LRRFIP1: variants seen among roughly 807,000 people sequenced by gnomAD.
LRRFIP1 encodes the protein LRR binding FLII interacting protein 1.
A neutral mutation model predicts 104.4 loss-of-function variants in LRRFIP1; 62 were observed. The ratio of observed to expected loss-of-function variants is 0.59; its 90% CI spans 0.48 to 0.73. The LOEUF is 0.73. Among genes scored for constraint, LRRFIP1 ranks in the 30% least tolerant of loss-of-function variants. The probability of loss-of-function intolerance (pLI) is 0.00; values close to 1 mark genes in which losing one functional copy is unlikely to be tolerated. For synonymous variants in LRRFIP1, 300 were observed against 299.0 expected, an observed-to-expected ratio of 1.00 and a Z score of -0.03; for missense variants, 796 against 824.5, an observed-to-expected ratio of 0.97 and a Z score of 0.42.
rs781741407 is a variant in LRRFIP1 at position 237,763,352 on chromosome 2, A to G, written c.1459+3147A>G. 3.1e-6 allele frequency: 5 copies of G among 1,614,064 alleles called. No homozygotes were observed. The Admixed American group carries it at 6.7e-5, about 22-fold the overall frequency. On this transcript the variant is annotated intron_variant, in intron 19 of 23. Coordinates refer to ENST00000308482, the MANE Select transcript of LRRFIP1 (RefSeq NM_001137550.2). ...AGACACTCAAAATGAACCCTTAGAT[A>G]TGAAAGAGCCCGATGAAGAAAAGAG...
At chr2:237,764,295 T>G (rs56151225) in intron 19 of LRRFIP1, 1 of 1,540,608 alleles carries the variant, frequency 6.5e-7, no homozygotes. Flanking sequence ...AGACTGTTAC[T>G]TGTAGATTTC....
At chr2:237,762,795 C>A (rs1559825880) in intron 19 of LRRFIP1, 3 of 1,614,204 alleles carry the variant, frequency 1.9e-6, no homozygotes, top group Non-Finnish European at 2.5e-6. Flanking sequence ...TTCCTAGGAA[C>A]CTTAGCAGGT....
chr2:237,699,669 A>G (rs1047426018), intron 1 of LRRFIP1, among the ~76,000 whole-genome samples: 5 of 152,180 alleles, frequency 3.3e-5, no homozygotes, highest in Non-Finnish European at 4.4e-5. Context: ...TGGTTTTTCT[A>G]TCTTCCTGAG....
intron 1 of LRRFIP1, among the ~76,000 whole-genome samples, chr2:237,685,774 T>C (rs2092322533): frequency 6.6e-6 from 1 of 152,270 alleles, no homozygotes. Context: ...CTCACATCTC[T>C]TCCATCCTTA....
chr2:237,678,024 C>A (rs2091366466), intron 1 of LRRFIP1, among the ~76,000 whole-genome samples: 1 of 152,148 alleles, frequency 6.6e-6, no homozygotes, highest in Non-Finnish European at 1.5e-5. Context: ...ACCATTTCCC[C>A]TTTTTCTAAA....
chr2:237,772,145 C>A lies in LRRFIP1; in HGVS notation c.1574C>A (p.Ser525Tyr). The stretch of plus-strand genomic sequence containing the variant: ...ATTGGCAAACTAGACAATCTTCGAT[C>A]TGAAGATGATGTCTTGGAAAACGGG... ...QKIGKLDNLRSEDDVLENGTD... is the reference protein window; with the variant it reads ...QKIGKLDNLRYEDDVLENGTD... The change falls in exon 21 of 24, where the codon TCT (serine) becomes TAT (tyrosine). Residue 525 changes from serine to tyrosine, a missense_variant. Physicochemically the swap from Ser to Tyr is moderately radical, Grantham distance 144. Coordinates refer to ENST00000308482, the MANE Select transcript of LRRFIP1 (RefSeq NM_001137550.2). 1 of 1,613,944 alleles carries A rather than the reference C, an allele frequency of 6.2e-7. No homozygotes were observed. Among genetic ancestry groups the A allele is most frequent in the Non-Finnish European group, 8.5e-7 (1 of 1,179,862 alleles).
intron 1 of LRRFIP1, among the ~76,000 whole-genome samples, chr2:237,652,833 G>A (rs2086157717): frequency 6.6e-6 from 1 of 152,216 alleles, no homozygotes; most frequent in Non-Finnish European, 1.5e-5. Context: ...GGGCTACAGA[G>A]TGAGACCCTG....
chr2:237,748,521 G>T, intron 12 of LRRFIP1, 122 bp downstream of exon 12: 2 of 896,704 alleles, frequency 2.2e-6, no homozygotes. Flanking sequence ...ACTAGAAAGC[G>T]GCCCACCTAA....
intron 1 of LRRFIP1, among the ~76,000 whole-genome samples, chr2:237,645,985 G>A (rs1044999605): frequency 6.6e-6 from 1 of 151,870 alleles, no homozygotes; most frequent in Non-Finnish European, 1.5e-5. Flanking sequence ...CTTTTCCTTA[G>A]CTCTGTTCCT....
intron 1 of LRRFIP1, among the ~76,000 whole-genome samples, chr2:237,701,308 C>T (rs1040637233): frequency 6.6e-6 from 1 of 152,200 alleles, no homozygotes; most frequent in Non-Finnish European, 1.5e-5. Flanking sequence ...CTGCTAGAGC[C>T]CCAGACGTCA....
chr2:237,653,931 GA>G (rs1403571542), intron 1 of LRRFIP1, among the ~76,000 whole-genome samples: 1 of 152,164 alleles, frequency 6.6e-6, no homozygotes, highest in Non-Finnish European at 1.5e-5. Context: ...AAAGCTCCAT[GA>G]TATTGTTCCA....
intron 19 of LRRFIP1, among the ~76,000 whole-genome samples, chr2:237,762,237 A>G (rs1443777383): frequency 6.6e-6 from 1 of 152,200 alleles, no homozygotes; most frequent in Non-Finnish European, 1.5e-5. Context: ...GAGAAGTGAG[A>G]GTGGGGAATT....
chr2:237,670,126 G>A (rs182990658), intron 1 of LRRFIP1, among the ~76,000 whole-genome samples: 1 of 152,366 alleles, frequency 6.6e-6, no homozygotes, highest in East Asian at 1.9e-4. Flanking sequence ...TGGATATTTT[G>A]CAGAGAGGAA....
intron 1 of LRRFIP1, among the ~76,000 whole-genome samples, chr2:237,689,225 G>A (rs1481538987): frequency 6.6e-6 from 1 of 152,156 alleles, no homozygotes; most frequent in African/African-American, 2.4e-5. Context: ...ATAAAACTGG[G>A]AGGCAACTGT....
intron 1 of LRRFIP1, among the ~76,000 whole-genome samples, chr2:237,665,030 T>C (rs955636389): frequency 5.3e-5 from 8 of 152,252 alleles, no homozygotes; most frequent in Non-Finnish European, 7.3e-5. Context: ...CTCTGAAGAA[T>C]TTGTAAGTTC....
At chr2:237,678,366 G>C (rs1239228508) in intron 1 of LRRFIP1, among the ~76,000 whole-genome samples, 1 of 152,206 alleles carries the variant, frequency 6.6e-6, no homozygotes, top group Non-Finnish European at 1.5e-5. Flanking sequence ...GCTGTGCAGA[G>C]TAGGGCAAGG....
At chr2:237,628,651 T>C (rs1191965589) in intron 1 of LRRFIP1, among the ~76,000 whole-genome samples, 1 of 152,222 alleles carries the variant, frequency 6.6e-6, no homozygotes, top group Non-Finnish European at 1.5e-5. Context: ...AGAAAGTCTC[T>C]GCCTTGTAAC....
At chr2:237,726,668 T>G (rs2094764926) in intron 7 of LRRFIP1, among the ~76,000 whole-genome samples, 1 of 152,272 alleles carries the variant, frequency 6.6e-6, no homozygotes, top group Non-Finnish European at 1.5e-5. Context: ...TTGTGGAATT[T>G]GGACTCATGC....
At chr2:237,760,778 G>A (rs9973826) in intron 19 of LRRFIP1, among the ~76,000 whole-genome samples, 9,309 of 152,200 alleles carry the variant, frequency 0.061, 954 homozygotes, top group African/African-American at 0.21. Context: ...TGGGTGTGGC[G>A]GTGCTGAGAG....
Sources: allele counts gnomAD v4.1 joint callset (sites outside exome capture counted in the v4.1 genomes callset), GRCh38; gene constraint gnomAD v4.1.1; transcripts MANE v1.5; gene names NCBI Gene and HGNC (gene_info 2026-07-23, HGNC 2026-07-21).